The following CFAP161 variants were observed in gnomAD, a reference collection of about 807,000 sequenced individuals.
CFAP161 encodes cilia and flagella associated protein 161, also known as cilia- and flagella-associated protein 161.
CFAP161 carries 25 observed loss-of-function variants against 29.0 expected under a neutral mutation model. That is an observed-to-expected ratio of 0.86 (90% CI 0.63 to 1.20). CFAP161 has a LOEUF of 1.20. Ranked by LOEUF, CFAP161 falls within the 50% of genes most tolerant of loss-of-function variation. The pLI is 0.00. For synonymous variants in CFAP161, 116 were observed against 137.4 expected, an observed-to-expected ratio of 0.84 and a Z score of 1.09; for missense variants, 367 against 371.9, an observed-to-expected ratio of 0.99 and a Z score of 0.11.
At chr15:81,145,862 G>C (rs1894997571) in intron 5 of CFAP161, among the ~76,000 whole-genome samples, 1 of 152,190 alleles carries the variant, frequency 6.6e-6, no homozygotes, top group Non-Finnish European at 1.5e-5. Context: ...GTGTTGGAGA[G>C]AATCCCGAGA....
At chr15:81,137,461 T>C (rs951974574) in intron 3 of CFAP161, among the ~76,000 whole-genome samples, 10 of 152,074 alleles carry the variant, frequency 6.6e-5, no homozygotes, top group African/African-American at 2.4e-4. Context: ...CTGGGCGTGG[T>C]GGCAGGCTCC....
chr15:81,136,816 T>C (rs1394209068), intron 3 of CFAP161, 68 bp downstream of exon 3: 39 of 1,370,846 alleles, frequency 2.8e-5, no homozygotes, highest in Non-Finnish European at 4.0e-5. Context: ...TAAAGATTCC[T>C]GGGTATTGGA....
intron 4 of CFAP161, among the ~76,000 whole-genome samples, chr15:81,138,457 C>A (rs34329645): frequency 3.9e-5 from 6 of 152,234 alleles, no homozygotes; most frequent in Non-Finnish European, 8.8e-5. Context: ...TAATAACCAT[C>A]TGATACCTGT....
At chr15:81,100,735 G>C (rs1483797826) in intron 1 of CFAP161, among the ~76,000 whole-genome samples, 2 of 142,814 alleles carry the variant, frequency 1.4e-5, no homozygotes, top group African/African-American at 2.6e-5. Context: ...ACACAGGCTC[G>C]CCATGTTGGC....
chr15:81,131,284 A>G (rs1422274743), upstream of CFAP161, among the ~76,000 whole-genome samples: 1 of 152,194 alleles, frequency 6.6e-6, no homozygotes, highest in Non-Finnish European at 1.5e-5. Flanking sequence ...ATCCACAGAC[A>G]GAAAGAAGAT....
At chr15:81,120,621 C>T (rs1346342052) in intron 1 of CFAP161, among the ~76,000 whole-genome samples, 2 of 152,236 alleles carry the variant, frequency 1.3e-5, no homozygotes, top group East Asian at 3.9e-4. Flanking sequence ...ACACAAGTTA[C>T]AGTAGTTGAC....
intron 1 of CFAP161, among the ~76,000 whole-genome samples, chr15:81,108,695 G>A (rs1894404519): frequency 6.6e-6 from 1 of 152,130 alleles, no homozygotes; most frequent in Non-Finnish European, 1.5e-5. Context: ...TTAAATCTGT[G>A]AGGCAACTTC....
chr15:81,116,358 A>G (rs1262144489), intron 1 of CFAP161, among the ~76,000 whole-genome samples: 1 of 152,214 alleles, frequency 6.6e-6, no homozygotes, highest in Non-Finnish European at 1.5e-5. Context: ...CAGTGGCACA[A>G]TCTTGGCTCA....
chr15:81,148,269 A>G (rs1895043784), intron 6 of CFAP161, 69 bp from the exon 7 acceptor site: 1 of 1,433,576 alleles, frequency 7.0e-7, no homozygotes, highest in African/African-American at 1.4e-5. Flanking sequence ...TCGAGATTAA[A>G]TTATTAATAA....
At chr15:81,106,141 T>A (rs1171020349) in intron 1 of CFAP161, among the ~76,000 whole-genome samples, 2 of 152,178 alleles carry the variant, frequency 1.3e-5, no homozygotes, top group African/African-American at 4.8e-5. Context: ...ACTTCTAAGA[T>A]GGTCTTGATA....
At chr15:81,119,754 A>G (rs1473464198) in intron 1 of CFAP161, among the ~76,000 whole-genome samples, 2 of 152,142 alleles carry the variant, frequency 1.3e-5, no homozygotes, top group Non-Finnish European at 2.9e-5. Flanking sequence ...AAAAGGTTCA[A>G]AACAATTGAT....
intron 4 of CFAP161, among the ~76,000 whole-genome samples, chr15:81,140,028 C>T (rs1338577631): frequency 6.6e-6 from 1 of 151,796 alleles, no homozygotes; most frequent in Non-Finnish European, 1.5e-5. Context: ...TTTCCCTTAT[C>T]TCTTCCTTTC....
At position 81,136,744 on chromosome 15, in the gene CFAP161, T is replaced by C. The variant is rs1328337113; in HGVS notation, c.388T>C (p.Leu130=). 6 of 1,611,930 alleles carry C rather than the reference T, an allele frequency of 3.7e-6. No homozygotes were observed. The highest frequency in any genetic ancestry group is 5.1e-6 in the Non-Finnish European group (6 of 1,178,044). ...AATTGGCAGAAACACTTTTATCATT[T>C]TGAGGTAAAGAGACTTTAATTTTCA... ...TPIGRNTFII[L]SVHRDATGQV... The change falls in exon 3 of 7, where the codon TTG becomes CTG. Residue 130 remains leucine (L), a synonymous_variant. Coordinates refer to ENST00000286732, the MANE Select transcript of CFAP161 (RefSeq NM_173528.4).
At chr15:81,126,609 G>A (rs62037410) in intron 1 of CFAP161, among the ~76,000 whole-genome samples, 15,548 of 152,142 alleles carry the variant, frequency 0.1, 893 homozygotes, top group East Asian at 0.18. Context: ...GATACCTTAC[G>A]TTATTGCTCT....
intron 1 of CFAP161, among the ~76,000 whole-genome samples, chr15:81,119,385 A>T (rs1036260589): frequency 6.6e-6 from 1 of 152,182 alleles, no homozygotes; most frequent in African/African-American, 2.4e-5. Flanking sequence ...ATTTTATATT[A>T]TCGTTAGAAT....
intron 1 of CFAP161, among the ~76,000 whole-genome samples, chr15:81,105,112 TTCTCCCCCATACCTTTCTCCCCCCTCC>T (rs1567149828): frequency 6.3e-4 from 14 of 22,146 alleles, no homozygotes; most frequent in East Asian, 9.0e-4. Flanking sequence ...CTCCCTTCCT[TTCTCCCCCATACCTTTCTCCCCCCTCC>T]CCTCCCTCCC....
intron 1 of CFAP161, among the ~76,000 whole-genome samples, chr15:81,115,335 C>T (rs1428815550): frequency 2.6e-5 from 4 of 152,138 alleles, no homozygotes; most frequent in Non-Finnish European, 5.9e-5. Flanking sequence ...GTTTTGATGT[C>T]TCTGGATGCT....
At chr15:81,117,962 A>G (rs1389596649) in intron 1 of CFAP161, 7 of 468,780 alleles carry the variant, frequency 1.5e-5, no homozygotes, top group Admixed American at 3.0e-5. Flanking sequence ...TAGGTATCCA[A>G]GCAGGTCAGC....
At chr15:81,101,526 C>CAAA (rs527465471) in intron 1 of CFAP161, among the ~76,000 whole-genome samples, 1,504 of 46,048 alleles carry the variant, frequency 0.033, 412 homozygotes, top group Non-Finnish European at 0.046. Context: ...GACTCTGTCT[C>CAAA]AAAAAAAAAA....
Sources: gnomAD v4.1 joint callset for allele counts (sites outside exome capture counted in the v4.1 genomes callset) on GRCh38, gnomAD v4.1.1 for gene constraint, MANE v1.5 for transcripts, NCBI Gene and HGNC (gene_info 2026-07-23, HGNC 2026-07-21) for gene names.